Variants in CNTN4 observed in about 807,000 individuals in gnomAD.
CNTN4 encodes the protein contactin 4, also known as contactin-4.
Under a neutral mutation model 122.5 loss-of-function variants are expected in CNTN4, and 77 were observed. The ratio of observed to expected loss-of-function variants is 0.63; its 90% CI spans 0.52 to 0.76. The LOEUF (loss-of-function observed/expected upper bound fraction) is 0.76, where lower values mean the gene tolerates loss of function less well. Among genes scored for constraint, CNTN4 ranks in the 30% least tolerant of loss-of-function variants. The probability of loss-of-function intolerance (pLI) is 0.00; values close to 1 mark genes in which losing one functional copy is unlikely to be tolerated. For missense variants in CNTN4, 1,256 were observed against 1,259.1 expected, an observed-to-expected ratio of 1.00 and a Z score of 0.04; for synonymous variants, 512 against 447.0, an observed-to-expected ratio of 1.15 and a Z score of -1.83.
intron 4 of CNTN4, among the ~76,000 whole-genome samples, chr3:2,605,537 G>C (rs2081221508): frequency 6.6e-6 from 1 of 152,094 alleles, no homozygotes; most frequent in African/African-American, 2.4e-5. Context: ...TAATCTATAG[G>C]GTGGCAGTGA....
intron 2 of CNTN4, among the ~76,000 whole-genome samples, chr3:2,249,542 T>A (rs1283907363): frequency 2.0e-5 from 3 of 151,918 alleles, no homozygotes; most frequent in African/African-American, 7.2e-5. Context: ...GGCCAAATAA[T>A]CTAGCTTGTA....
intron 3 of CNTN4, among the ~76,000 whole-genome samples, chr3:2,426,550 G>A (rs1419740438): frequency 2.0e-5 from 3 of 152,082 alleles, no homozygotes; most frequent in Admixed American, 6.6e-5. Flanking sequence ...TTGTGTCTCT[G>A]CCAAGCTTTG....
intron 4 of CNTN4, among the ~76,000 whole-genome samples, chr3:2,640,348 G>A (rs956526621): frequency 6.6e-5 from 10 of 152,298 alleles, no homozygotes; most frequent in South Asian, 6.2e-4. Flanking sequence ...CAGAGATTTT[G>A]TAAGGCTGTT....
intron 3 of CNTN4, among the ~76,000 whole-genome samples, chr3:2,534,289 G>A (rs1193689746): frequency 6.6e-6 from 1 of 152,178 alleles, no homozygotes; most frequent in Non-Finnish European, 1.5e-5. Context: ...TGTATAAGTT[G>A]TAAGGAAGGG....
Position 2,961,211 on chromosome 3 carries a change from C to G in CNTN4, c.1359-27134C>G, listed in dbSNP as rs1309970206. 1.6e-4 allele frequency among the ~76,000 whole-genome samples: 15 copies of G among 96,480 alleles called. 1 individual carries two copies. In the South Asian group the frequency reaches 4.6e-3, roughly 29 times the overall value. The allele number at this position is 96,480 out of a possible 152,430, so 63.3% of individuals were successfully genotyped here. On this transcript the variant is annotated intron_variant, in intron 13 of 24. Transcript: ENST00000418658. ...GACCACTGCACTCCAGCCTGGGCGACAGAACGAGACTCCATCTCACAAAAA... is the reference window on the plus strand; with the variant it reads ...GACCACTGCACTCCAGCCTGGGCGAGAGAACGAGACTCCATCTCACAAAAA...
intron 23 of CNTN4, among the ~76,000 whole-genome samples, chr3:3,049,442 A>C (rs1338564706): frequency 2.6e-5 from 4 of 152,206 alleles, no homozygotes; most frequent in African/African-American, 4.8e-5. Context: ...AGTTTTACGG[A>C]TGAAGAGCTG....
chr3:2,391,632 A>G (rs1450825686), intron 3 of CNTN4, among the ~76,000 whole-genome samples: 1 of 152,178 alleles, frequency 6.6e-6, no homozygotes, highest in East Asian at 1.9e-4. Context: ...AACAGACGTG[A>G]TGTTTATATG....
chr3:2,216,104 T>C (rs1026362398), intron 2 of CNTN4, among the ~76,000 whole-genome samples: 5 of 152,046 alleles, frequency 3.3e-5, no homozygotes, highest in African/African-American at 9.7e-5. Context: ...ACTGCAGCAC[T>C]CTTCACAATA....
At chr3:2,446,413 C>G (rs987677165) in intron 3 of CNTN4, among the ~76,000 whole-genome samples, 1 of 152,126 alleles carries the variant, frequency 6.6e-6, no homozygotes, top group Non-Finnish European at 1.5e-5. Context: ...TTTTTCTCTT[C>G]TATAGCCTCC....
At chr3:2,716,851 A>G (rs1415462400) in intron 4 of CNTN4, among the ~76,000 whole-genome samples, 1 of 152,052 alleles carries the variant, frequency 6.6e-6, no homozygotes, top group East Asian at 1.9e-4. Flanking sequence ...CCTATTCTGG[A>G]CATTTCTTAT....
At chr3:2,795,581 T>C (rs941597549) in intron 6 of CNTN4, among the ~76,000 whole-genome samples, 1 of 150,350 alleles carries the variant, frequency 6.7e-6, no homozygotes, top group South Asian at 2.1e-4. Context: ...AGTGCGGTGG[T>C]GCCATCTCGG....
chr3:3,032,316 AG>A (rs1199968744), intron 16 of CNTN4, among the ~76,000 whole-genome samples: 2 of 152,260 alleles, frequency 1.3e-5, no homozygotes, highest in African/African-American at 4.8e-5. Context: ...TCAGATCAGC[AG>A]TTAAAACACC....
intron 13 of CNTN4, among the ~76,000 whole-genome samples, chr3:2,934,410 G>A (rs6789338): frequency 0.55 from 82,963 of 151,878 alleles, 22,915 homozygotes; most frequent in Middle Eastern, 0.62. Flanking sequence ...AAGGCTTTTG[G>A]AAGAGTTGAA....
At chr3:2,959,899 G>A (rs1414308740) in intron 13 of CNTN4, among the ~76,000 whole-genome samples, 1 of 152,162 alleles carries the variant, frequency 6.6e-6, no homozygotes, top group African/African-American at 2.4e-5. Flanking sequence ...CAACTTCAAT[G>A]AAAACATTTC....
chr3:2,583,977 A>G (rs1348591690), intron 4 of CNTN4, among the ~76,000 whole-genome samples: 1 of 152,192 alleles, frequency 6.6e-6, no homozygotes, highest in Non-Finnish European at 1.5e-5. Flanking sequence ...ACAGTGGATA[A>G]GATCATGGTC....
chr3:2,157,866 A>C (rs530830537), intron 2 of CNTN4, among the ~76,000 whole-genome samples: 129 of 152,312 alleles, frequency 8.5e-4, no homozygotes, highest in African/African-American at 3.0e-3. Context: ...TATCAAATAA[A>C]TCATTGTTTT....
rs80202846 is a variant in CNTN4, at chr3:3,049,605, C to T, written c.2812-4202C>T. 5.9e-3 allele frequency among the ~76,000 whole-genome samples: 892 copies of T among 152,218 alleles called. 4 individuals carry two copies. The highest frequency in any genetic ancestry group is 0.012 in the Admixed American group (183 of 15,280). On this transcript the variant is annotated intron_variant, in intron 23 of 24. Transcript: ENST00000418658. Reference sequence around the variant, plus strand: ...AAATAGAATAAGTGATAACAAAGTACTGCAGAGAAAAAGAGGCTAGAGTGA... The same window carrying T: ...AAATAGAATAAGTGATAACAAAGTATTGCAGAGAAAAAGAGGCTAGAGTGA...
intron 3 of CNTN4, among the ~76,000 whole-genome samples, chr3:2,429,417 G>A (rs547694329): frequency 7.2e-5 from 11 of 152,332 alleles, no homozygotes; most frequent in African/African-American, 2.4e-4. Context: ...AACAGCAAAT[G>A]TTGCTGCCTG....
Position 2,224,367 on chromosome 3 carries a change from G to A in CNTN4, c.-144-114811G>A, listed in dbSNP as rs189911693. 1.4e-3 allele frequency among the ~76,000 whole-genome samples: 212 copies of A among 152,258 alleles called. 1 individual carries two copies. The highest frequency in any genetic ancestry group is 7.2e-4 in the Non-Finnish European group (49 of 68,010). ...ACTGAGTTCCTAATAGGCATCCCTG[G>A]ACGGAAATAGTCCACATGTGTTGTT... On this transcript the variant is annotated intron_variant, in intron 2 of 24. Transcript: ENST00000418658.
Sources: gnomAD v4.1 joint callset for allele counts (sites outside exome capture counted in the v4.1 genomes callset) on GRCh38, gnomAD v4.1.1 for gene constraint, MANE v1.5 for transcripts, NCBI Gene and HGNC (gene_info 2026-07-23, HGNC 2026-07-21) for gene names.